Variants in PLXDC1 observed in about 807,000 individuals in gnomAD.
PLXDC1 encodes plexin domain containing 1, also known as plexin domain-containing protein 1.
Under a neutral mutation model 61.3 loss-of-function variants are expected in PLXDC1, and 39 were observed. The ratio of observed to expected loss-of-function variants is 0.64; its 90% CI spans 0.49 to 0.83. The LOEUF (loss-of-function observed/expected upper bound fraction) is 0.83. PLXDC1 is among the 40% of genes least tolerant of loss of function. The pLI is 0.00. For missense variants in PLXDC1, 596 were observed against 666.5 expected, an observed-to-expected ratio of 0.89 and a Z score of 1.17; for synonymous variants, 212 against 254.5, an observed-to-expected ratio of 0.83 and a Z score of 1.59.
At position 39,105,968 on chromosome 17, in the gene PLXDC1, A is replaced by T; in HGVS notation, c.712-15T>A. The T allele has an allele frequency of 1.9e-6, 3 of 1,588,212 alleles. No homozygotes were observed. The highest frequency in any genetic ancestry group is 2.6e-6 in the Non-Finnish European group (3 of 1,157,690). The stretch of plus-strand genomic sequence containing the variant: ...GACATAGGGATCTGCGGCAGGGAGA[A>T]GAGACTCCGTCCACCTCCCAAACGC... On this transcript the variant is annotated splice_polypyrimidine_tract_variant and intron_variant, in intron 6 of 13. Coordinates refer to ENST00000315392, the MANE Select transcript of PLXDC1 (RefSeq NM_020405.5).
At chr17:39,078,560 G>T (rs1909432248) in intron 10 of PLXDC1, among the ~76,000 whole-genome samples, 1 of 152,226 alleles carries the variant, frequency 6.6e-6, no homozygotes, top group Non-Finnish European at 1.5e-5. Context: ...GGGCACAGAT[G>T]AATAGACCCA....
At chr17:39,074,174 G>A (rs533368950) in intron 11 of PLXDC1, among the ~76,000 whole-genome samples, 1 of 152,212 alleles carries the variant, frequency 6.6e-6, no homozygotes, top group Admixed American at 6.5e-5. Context: ...CTGCCAAGAT[G>A]CCTTGCAAGT....
chr17:39,149,120 C>G (rs1487427424), intron 1 of PLXDC1, among the ~76,000 whole-genome samples: 2 of 152,154 alleles, frequency 1.3e-5, no homozygotes, highest in Non-Finnish European at 2.9e-5. Flanking sequence ...CTGACTCTGT[C>G]TTTGGGCCAC....
chr17:39,086,858 T>TAAAAAAAAA (rs1909758173), intron 8 of PLXDC1, among the ~76,000 whole-genome samples: 1 of 5,390 alleles, frequency 1.9e-4, no homozygotes, highest in Non-Finnish European at 5.3e-4. Flanking sequence ...TGAGACTGTC[T>TAAAAAAAAA]CAAAAAAAAA....
chr17:39,098,785 G>A (rs994222827), intron 7 of PLXDC1, among the ~76,000 whole-genome samples: 4 of 152,118 alleles, frequency 2.6e-5, no homozygotes, highest in African/African-American at 9.7e-5. Flanking sequence ...TTTATACAAG[G>A]GGACTGTGTC....
At chr17:39,104,083 G>C (rs1467769931) in intron 7 of PLXDC1, among the ~76,000 whole-genome samples, 1 of 152,170 alleles carries the variant, frequency 6.6e-6, no homozygotes, top group Non-Finnish European at 1.5e-5. Flanking sequence ...AAGGTGTCCT[G>C]CTGGATTATA....
At chr17:39,095,367 G>GTT (rs1910122653) in intron 7 of PLXDC1, among the ~76,000 whole-genome samples, 2 of 7,584 alleles carry the variant, frequency 2.6e-4, no homozygotes, top group African/African-American at 4.6e-4. Flanking sequence ...CTTACGCCCC[G>GTT]CCCCCCCCCC....
intron 2 of PLXDC1, among the ~76,000 whole-genome samples, chr17:39,130,645 A>G (rs972097635): frequency 6.6e-6 from 1 of 151,784 alleles, no homozygotes. Flanking sequence ...GCTCACTGCA[A>G]CCTCCACTCT....
At chr17:39,103,915 G>C (rs1164556849) in intron 7 of PLXDC1, among the ~76,000 whole-genome samples, 1 of 151,224 alleles carries the variant, frequency 6.6e-6, no homozygotes, top group Non-Finnish European at 1.5e-5. Flanking sequence ...GTGCAAACAA[G>C]TAAAGGTAGG....
In PLXDC1 at chr17:39,148,569, T is replaced by C. The variant is rs75039724; in HGVS notation, c.76+2793A>G. ...CTAATTTTTACTAATATACTAATAT[T>C]AATAATATTAATAACAATACTAAAT... On this transcript the variant is annotated intron_variant, in intron 1 of 13. Coordinates refer to ENST00000315392, the MANE Select transcript of PLXDC1 (RefSeq NM_020405.5). Among the ~76,000 whole-genome samples, 919 of 150,902 alleles carry C rather than the reference T, an allele frequency of 6.1e-3. 12 individuals are homozygous for C. The highest frequency in any genetic ancestry group is 0.021 in the African/African-American group (866 of 40,952).
intron 2 of PLXDC1, among the ~76,000 whole-genome samples, chr17:39,134,249 G>A (rs1008037735): frequency 5.4e-5 from 8 of 149,336 alleles, no homozygotes; most frequent in East Asian, 2.0e-4. Context: ...GCAAGACTCC[G>A]TCTCAAAAAA....
chr17:39,121,514 G>A (rs1401667495), intron 2 of PLXDC1, among the ~76,000 whole-genome samples: 1 of 152,122 alleles, frequency 6.6e-6, no homozygotes, highest in Non-Finnish European at 1.5e-5. Flanking sequence ...TGGCCATTGG[G>A]AAAAAGAGTC....
At chr17:39,082,365 C>G (rs943612799) in intron 9 of PLXDC1, among the ~76,000 whole-genome samples, 6 of 152,036 alleles carry the variant, frequency 3.9e-5, no homozygotes. Context: ...CAAGCCTGGC[C>G]AAACTCTTGG....
chr17:39,152,869 G>C (rs532156967), upstream of PLXDC1: 9 of 422,552 alleles, frequency 2.1e-5, no homozygotes, highest in Non-Finnish European at 3.2e-5. Context: ...TCCTTCCGCC[G>C]GGCCCAGAGT....
At chr17:39,098,176 G>T (rs999889281) in intron 7 of PLXDC1, among the ~76,000 whole-genome samples, 1 of 133,542 alleles carries the variant, frequency 7.5e-6, no homozygotes, top group Non-Finnish European at 1.5e-5. Flanking sequence ...TTGCACTCCA[G>T]CCTGGGCAAC....
intron 11 of PLXDC1, among the ~76,000 whole-genome samples, chr17:39,076,968 C>T (rs1396639133): frequency 1.3e-5 from 2 of 152,100 alleles, no homozygotes; most frequent in South Asian, 2.1e-4. Flanking sequence ...CTCCTGACCT[C>T]GTGATCCTCC....
At chr17:39,137,006 T>A (rs35542224) in intron 2 of PLXDC1, among the ~76,000 whole-genome samples, 6,871 of 152,228 alleles carry the variant, frequency 0.045, 203 homozygotes, top group African/African-American at 0.071. Context: ...CAAAAACGCT[T>A]TCCAGAACTG....
At chr17:39,090,294 T>C (rs559081815) in intron 7 of PLXDC1, among the ~76,000 whole-genome samples, 23 of 152,188 alleles carry the variant, frequency 1.5e-4, no homozygotes, top group African/African-American at 5.5e-4. Flanking sequence ...TACTCTGGCA[T>C]TGGTGTCAAT....
Position 39,109,390 on chromosome 17 carries a change from T to A in PLXDC1, c.257A>T (p.Glu86Val). The change falls in exon 3 of 14, where the codon GAG (glutamate) becomes GTG (valine). Residue 86 changes from glutamate to valine, a missense_variant and splice_region_variant. Glu to Val is a moderately radical substitution (Grantham distance 121). Transcript: ENST00000315392. ...GGACACATAATAGCTGTGGTTGTCC[T>A]CCTGCCGGCACCCAAGATAAAGCCC... ...TLPDNRTRVV[E>V]DNHSYYVSRL... 6.3e-7 allele frequency: 1 copy of A among 1,584,798 alleles called. No homozygotes were observed. The highest frequency in any genetic ancestry group is 1.3e-5 in the African/African-American group (1 of 74,754).
Sources: allele counts gnomAD v4.1 joint callset (sites outside exome capture counted in the v4.1 genomes callset), GRCh38; gene constraint gnomAD v4.1.1; transcripts MANE v1.5; gene names NCBI Gene and HGNC (gene_info 2026-07-23, HGNC 2026-07-21).